SPOCK1: variants seen among roughly 807,000 people sequenced by gnomAD.
SPOCK1 encodes the protein testican-1.
In SPOCK1, 23 loss-of-function variants were observed where a neutral mutation model predicts 55.3. That is an observed-to-expected ratio of 0.42 (90% CI 0.30 to 0.59). The LOEUF (loss-of-function observed/expected upper bound fraction) is 0.59. Among genes scored for constraint, SPOCK1 ranks in the 20% least tolerant of loss-of-function variants. The pLI, the probability that SPOCK1 is intolerant of heterozygous loss-of-function variation, is 0.22. For synonymous variants in SPOCK1, 226 were observed against 221.0 expected, an observed-to-expected ratio of 1.02 and a Z score of -0.20; for missense variants, 499 against 552.5, an observed-to-expected ratio of 0.90 and a Z score of 0.97.
intron 2 of SPOCK1, among the ~76,000 whole-genome samples, chr5:137,482,756 C>T (rs1203755307): frequency 1.3e-5 from 2 of 152,132 alleles, no homozygotes; most frequent in Non-Finnish European, 2.9e-5. Flanking sequence ...CCAAGATGTG[C>T]AGAGAAACAA....
intron 2 of SPOCK1, among the ~76,000 whole-genome samples, chr5:137,469,125 CTT>C (rs964837048): frequency 6.6e-6 from 1 of 152,182 alleles, no homozygotes; most frequent in Non-Finnish European, 1.5e-5. Context: ...CTAATTAACT[CTT>C]TGGCCTTTAA....
chr5:137,269,506 G>C (rs1294504788), intron 2 of SPOCK1, among the ~76,000 whole-genome samples: 1 of 152,170 alleles, frequency 6.6e-6, no homozygotes, highest in Admixed American at 6.5e-5. Flanking sequence ...ACTGAGCATG[G>C]GGGAGGGGTC....
intron 2 of SPOCK1, among the ~76,000 whole-genome samples, chr5:137,328,577 A>G (rs964924176): frequency 1.3e-5 from 2 of 152,210 alleles, no homozygotes; most frequent in Admixed American, 6.5e-5. Context: ...CTCCTTCTCA[A>G]TGCAGAACAC....
chr5:137,484,888 AC>A (rs1451479387), intron 2 of SPOCK1, among the ~76,000 whole-genome samples: 1 of 152,224 alleles, frequency 6.6e-6, no homozygotes, highest in East Asian at 1.9e-4. Context: ...ATAGCACCTT[AC>A]TAAAATGTTT....
chr5:137,498,517 C>A lies in SPOCK1; in HGVS notation c.42G>T (p.Trp14Cys). 1 of 1,560,076 alleles carries A rather than the reference C, an allele frequency of 6.4e-7. No homozygotes were observed. Among genetic ancestry groups the A allele is most frequent in the South Asian group, 1.2e-5 (1 of 85,912 alleles). Residue 14 changes from tryptophan to cysteine, a missense_variant, in exon 2 of 11, where the codon TGG becomes TGT. Physicochemically the swap from Trp to Cys is radical, Grantham distance 215. Transcript: ENST00000394945. ...GCCGGCTCTCGACTTGGAGGAAGCACCACGCCGCGGCGGCCGCCGCCAACA... is the reference window on the plus strand; with the variant it reads ...GCCGGCTCTCGACTTGGAGGAAGCAACACGCCGCGGCGGCCGCCGCCAACA... ...IAVLAAAAAA[W>C]CFLQVESRHL...
intron 2 of SPOCK1, among the ~76,000 whole-genome samples, chr5:137,330,736 G>A (rs1455650834): frequency 6.6e-6 from 1 of 152,198 alleles, no homozygotes; most frequent in Non-Finnish European, 1.5e-5. Context: ...TGCCAGGAAG[G>A]AGTTGTGTGA....
intron 2 of SPOCK1, among the ~76,000 whole-genome samples, chr5:137,300,809 G>A (rs1478273549): frequency 6.6e-6 from 1 of 152,180 alleles, no homozygotes; most frequent in Admixed American, 6.5e-5. Context: ...TTGTAACACA[G>A]CTCTCAGCTG....
At chr5:137,308,134 A>T (rs1304140911) in intron 2 of SPOCK1, among the ~76,000 whole-genome samples, 2 of 152,232 alleles carry the variant, frequency 1.3e-5, no homozygotes, top group South Asian at 4.1e-4. Flanking sequence ...GCAATGTCCT[A>T]TAGTTCTTTG....
At chr5:137,302,807 T>A (rs1481702359) in intron 2 of SPOCK1, among the ~76,000 whole-genome samples, 2 of 152,106 alleles carry the variant, frequency 1.3e-5, no homozygotes, top group Non-Finnish European at 2.9e-5. Context: ...CTCAAAATAG[T>A]ACATCTTTTG....
At chr5:137,294,623 T>C (rs1757443112) in intron 2 of SPOCK1, among the ~76,000 whole-genome samples, 1 of 152,304 alleles carries the variant, frequency 6.6e-6, no homozygotes, top group African/African-American at 2.4e-5. Flanking sequence ...TCAGCTGGCA[T>C]TCCTACCCAG....
intron 3 of SPOCK1, among the ~76,000 whole-genome samples, chr5:137,242,820 AT>A (rs1756312515): frequency 6.6e-6 from 1 of 152,218 alleles, no homozygotes; most frequent in African/African-American, 2.4e-5. Flanking sequence ...AAAAAAAGAC[AT>A]ATTATTTGCA....
At chr5:137,220,552 T>C (rs898448374) in intron 3 of SPOCK1, among the ~76,000 whole-genome samples, 4 of 152,180 alleles carry the variant, frequency 2.6e-5, no homozygotes, top group Admixed American at 6.5e-5. Flanking sequence ...TAGGATGTAA[T>C]AATTTGGCCC....
At chr5:137,259,710 C>G (rs1055495559) in intron 3 of SPOCK1, among the ~76,000 whole-genome samples, 1 of 128,174 alleles carries the variant, frequency 7.8e-6, no homozygotes, top group Non-Finnish European at 1.7e-5. Context: ...AAAAAGAAAA[C>G]AAAGGCTAGA....
chr5:137,458,595 A>T (rs1044683158), intron 2 of SPOCK1, among the ~76,000 whole-genome samples: 1 of 152,156 alleles, frequency 6.6e-6, no homozygotes, highest in Non-Finnish European at 1.5e-5. Flanking sequence ...TTTAAGAAAC[A>T]TTACTGTTCA....
At chr5:137,392,683 C>A (rs1580900835) in intron 2 of SPOCK1, among the ~76,000 whole-genome samples, 1 of 152,176 alleles carries the variant, frequency 6.6e-6, no homozygotes, top group Non-Finnish European at 1.5e-5. Context: ...CAGGTAAACA[C>A]AATGAGTTTG....
chr5:137,206,911 G>A (rs948179212), intron 3 of SPOCK1, among the ~76,000 whole-genome samples: 4 of 152,150 alleles, frequency 2.6e-5, no homozygotes, highest in Non-Finnish European at 5.9e-5. Context: ...CTTGTCAAAG[G>A]GACACGATGA....
At chr5:137,191,760 G>A (rs939292701) in intron 3 of SPOCK1, among the ~76,000 whole-genome samples, 6 of 152,134 alleles carry the variant, frequency 3.9e-5, no homozygotes, top group African/African-American at 7.2e-5. Flanking sequence ...CACTGGAGAC[G>A]TTAATGTGTG....
intron 2 of SPOCK1, among the ~76,000 whole-genome samples, chr5:137,283,524 G>C (rs556194880): frequency 9.3e-4 from 141 of 152,226 alleles, no homozygotes; most frequent in Non-Finnish European, 1.7e-3. Context: ...GACCAGCCTG[G>C]CCAACACAGT....
At chr5:137,091,555 C>T (rs1379746537) in intron 5 of SPOCK1, among the ~76,000 whole-genome samples, 1 of 152,174 alleles carries the variant, frequency 6.6e-6, no homozygotes, top group African/African-American at 2.4e-5. Flanking sequence ...TAACAGTTCC[C>T]TTGACAGCCA....
Sources: gnomAD v4.1 joint callset for allele counts (sites outside exome capture counted in the v4.1 genomes callset) on GRCh38, gnomAD v4.1.1 for gene constraint, MANE v1.5 for transcripts, NCBI Gene and HGNC (gene_info 2026-07-23, HGNC 2026-07-21) for gene names.